Variants in RNF43 observed in about 807,000 individuals in gnomAD.
The protein encoded by RNF43 is E3 ubiquitin-protein ligase RNF43.
RNF43 carries 37 observed loss-of-function variants against 78.4 expected under a neutral mutation model. The observed-to-expected ratio is 0.47, with a 90% CI of 0.36 to 0.62. The LOEUF is 0.62. Among genes scored for constraint, RNF43 ranks in the 20% least tolerant of loss-of-function variants. The pLI is 0.00. For synonymous variants in RNF43, 347 were observed against 395.0 expected (o/e 0.88, Z 1.44); for missense variants, 774 against 1,007.9 (o/e 0.77, Z 3.14).
rs759809905 is a variant in RNF43, at chr17:58,363,319, G to C, written c.538C>G (p.Gln180Glu). 5 of 1,614,104 alleles carry C rather than the reference G, an allele frequency of 3.1e-6. No individual in the cohort carries two copies. Among genetic ancestry groups the C allele is most frequent in the South Asian group, 1.1e-5 (1 of 91,090 alleles). The change falls in exon 5 of 10, where the codon CAA becomes GAA. Residue 180 changes from glutamine (Q) to glutamate (E), a missense_variant. By Grantham distance (29) the Gln-to-Glu change is conservative. Coordinates refer to ENST00000407977, the MANE Select transcript of RNF43 (RefSeq NM_017763.6). ...AGCTCAATCCTCACATGGGCCTTTT[G>C]GTTCTTGTACACAAACTCCATCAGC... ...EKLMEFVYKNQKAHVRIELKE... is the reference protein window; with the variant it reads ...EKLMEFVYKNEKAHVRIELKE...
chr17:58,358,544 G>C lies in RNF43; in HGVS notation c.1232C>G (p.Pro411Arg), dbSNP rs1029129424. The change falls in exon 9 of 10, where the codon CCC becomes CGC. Residue 411 changes from proline to arginine, a missense_variant. Physicochemically the swap from Pro to Arg is moderately radical, Grantham distance 103. Coordinates refer to ENST00000407977, the MANE Select transcript of RNF43 (RefSeq NM_017763.6). The surrounding 1 kb of genome is among the most constrained non-coding windows in gnomAD (Gnocchi z 6.2). ...GCTCAGTCCCCAGCCTTGTGCATAG[G>C]GGTGCTGGGCTCCTGCCAGGCGCTG... ...EQQRLAGAQH[P>R]YAQGWGLSHL... The C allele has an allele frequency of 1.9e-6, 3 of 1,612,410 alleles. No homozygotes were observed. The highest frequency in any genetic ancestry group is 2.5e-6 in the Non-Finnish European group (3 of 1,179,178).
At chr17:58,374,328 A>C (rs1376622079) in intron 2 of RNF43, among the ~76,000 whole-genome samples, 1 of 152,054 alleles carries the variant, frequency 6.6e-6, no homozygotes, top group Non-Finnish European at 1.5e-5. Flanking sequence ...AAGGACCCAA[A>C]TACAAGTCCC....
chr17:58,355,681 C>A (rs1051544127), intron 9 of RNF43, among the ~76,000 whole-genome samples: 1 of 152,150 alleles, frequency 6.6e-6, no homozygotes, highest in African/African-American at 2.4e-5. Context: ...TTTTTCCTCT[C>A]TGTGGACAAA....
rs750959307 is a variant in RNF43, at chr17:58,358,707, A to G, written c.1069T>C (p.Tyr357His). The G allele has an allele frequency of 6.5e-7, 1 of 1,546,836 alleles. No homozygotes were observed. The highest frequency in any genetic ancestry group is 2.0e-5 in the Admixed American group (1 of 50,550). Residue 357 changes from tyrosine to histidine, a missense_variant, in exon 9 of 10, where the codon TAC (tyrosine) becomes CAC (histidine). By Grantham distance (83) the Tyr-to-His change is moderately conservative (BLOSUM62 2). Coordinates refer to ENST00000407977, the MANE Select transcript of RNF43 (RefSeq NM_017763.6). This position sits in a 1 kb window ranked among gnomAD's most constrained non-coding sequence, Gnocchi z 6.2. ...GHAHYHLPAA[Y>H]LLGPSRSAVA... ...GCACTCCGGGAAGGGCCCAACAGGTAGGCAGCAGGGAGGTGGTAGTGGGCA... is the reference window on the plus strand; with the variant it reads ...GCACTCCGGGAAGGGCCCAACAGGTGGGCAGCAGGGAGGTGGTAGTGGGCA...
Position 58,390,398 on chromosome 17 carries a change from T to C in RNF43, c.253-19365A>G, listed in dbSNP as rs1307949638. Among the ~76,000 whole-genome samples the C allele has an allele frequency of 3.3e-5, 5 of 152,214 alleles. No homozygotes were observed. The South Asian group carries it at 6.2e-4, about 19-fold the overall frequency. The stretch of plus-strand genomic sequence containing the variant: ...AGAAAGTGAGGCAAATGTTAAGATA[T>C]TGTTTTCTAGAGCAAAAGAGTCTAG... On this transcript the variant is annotated intron_variant, in intron 2 of 9. Transcript: ENST00000407977.
chr17:58,390,633 A>C (rs1386511705), intron 2 of RNF43, among the ~76,000 whole-genome samples: 1 of 152,216 alleles, frequency 6.6e-6, no homozygotes, highest in East Asian at 1.9e-4. Context: ...AGATGCTTAC[A>C]ATCAGTTGTA....
rs2143436887 is a variant in RNF43 at position 58,360,039 on chromosome 17, T to C, written c.952+110A>G. On this transcript the variant is annotated intron_variant, in intron 8 of 9. Coordinates refer to ENST00000407977, the MANE Select transcript of RNF43 (RefSeq NM_017763.6). This position sits in a 1 kb window ranked among gnomAD's most constrained non-coding sequence, Gnocchi z 4.3. ...CAGTGTACAGCCCATACAACTATGG[T>C]GGCAGTTCTGCTTTCTCCCCAGCTT... 1 of 776,614 alleles carries C rather than the reference T, an allele frequency of 1.3e-6. No homozygotes were observed. The highest frequency in any genetic ancestry group is 2.3e-6 in the Non-Finnish European group (1 of 438,596). The allele number at this position is 776,614 out of a possible 1,614,324, so 48.1% of individuals were successfully genotyped here.
intron 2 of RNF43, among the ~76,000 whole-genome samples, chr17:58,410,322 T>G (rs1175334954): frequency 6.6e-6 from 1 of 152,182 alleles, no homozygotes; most frequent in East Asian, 1.9e-4. Flanking sequence ...AATAGAAGAC[T>G]CTAAAAGCCA....
chr17:58,363,964 A>G (rs911922572), intron 3 of RNF43, among the ~76,000 whole-genome samples: 1 of 152,168 alleles, frequency 6.6e-6, no homozygotes, highest in Non-Finnish European at 1.5e-5. Context: ...AAGAGGTATG[A>G]GCACGAAGAG....
Position 58,367,909 on chromosome 17 carries a change from G to A in RNF43, c.375+3002C>T, listed in dbSNP as rs530445892. On this transcript the variant is annotated intron_variant, in intron 3 of 9. Transcript: ENST00000407977. ...CATTTATTGAGTGGTTACCATGTAC[G>A]TGGCATGGGGCTAAAAACTTCCATC... Among the ~76,000 whole-genome samples, 8 of 152,186 alleles carry A rather than the reference G, an allele frequency of 5.3e-5. No individual in the cohort carries two copies. The South Asian group carries it at 1.0e-3, about 20-fold the overall frequency.
intron 2 of RNF43, among the ~76,000 whole-genome samples, chr17:58,380,839 T>C: frequency 6.6e-6 from 1 of 152,212 alleles, no homozygotes; most frequent in East Asian, 1.9e-4. Context: ...TCAGAGGCTG[T>C]AGGGATTTCA....
At chr17:58,379,142 C>T (rs1204113976) in intron 2 of RNF43, among the ~76,000 whole-genome samples, 1 of 152,130 alleles carries the variant, frequency 6.6e-6, no homozygotes, top group Non-Finnish European at 1.5e-5. Context: ...CGGGTATGCA[C>T]GCTGGGGAGG....
At position 58,415,523 on chromosome 17, in the gene RNF43, C is replaced by T. The variant is rs1449518106; in HGVS notation, c.55G>A (p.Ala19Thr). The change falls in exon 2 of 10, where the codon GCT (alanine) becomes ACT (threonine). Residue 19 changes from alanine (A) to threonine (T), a missense_variant. Transcript: ENST00000407977. Reference sequence around the variant, plus strand: ...CGTCCAAAGCCTGCCTGCAGGGTAGCCATCAGCAGCCAGGGCCAGAGGGCA... The same window carrying T: ...CGTCCAAAGCCTGCCTGCAGGGTAGTCATCAGCAGCCAGGGCCAGAGGGCA... Reference protein sequence around the residue: ...LAALWPWLLMATLQAGFGRTG... With the variant: ...LAALWPWLLMTTLQAGFGRTG... 3 of 1,611,946 alleles carry T rather than the reference C, an allele frequency of 1.9e-6. No individual in the cohort carries two copies. Among genetic ancestry groups the T allele is most frequent in the Admixed American group, 3.3e-5 (2 of 60,036 alleles).
At chr17:58,391,125 G>C (rs546263907) in intron 2 of RNF43, among the ~76,000 whole-genome samples, 25 of 152,328 alleles carry the variant, frequency 1.6e-4, no homozygotes, top group Non-Finnish European at 3.1e-4. Context: ...CTGAGTAATT[G>C]TGAAGCCAAC....
In RNF43 at chr17:58,358,141, G is replaced by A. The variant is rs2143405342; in HGVS notation, c.1635C>T (p.Ser545=). 1.2e-6 allele frequency: 2 copies of A among 1,613,032 alleles called. No homozygotes were observed. The highest frequency in any genetic ancestry group is 1.3e-5 in the African/African-American group (1 of 74,964). The change falls in exon 9 of 10, where the codon TCC becomes TCT. Residue 545 remains serine (S), a synonymous_variant. Transcript: ENST00000407977. This position sits in a 1 kb window ranked among gnomAD's most constrained non-coding sequence, Gnocchi z 6.2. ...GGTGGCGGTGGTAGTGGACATGGCT[G>A]GAAACCTGGGTTTCCCCTGTGGGCA... is the stretch of plus-strand genomic sequence containing the variant. The part of the protein sequence containing the change: ...SVVPTGETQV[S]SHVHYHRHRH...
intron 3 of RNF43, among the ~76,000 whole-genome samples, chr17:58,369,461 C>T (rs993442289): frequency 2.6e-5 from 4 of 152,198 alleles, no homozygotes; most frequent in South Asian, 2.1e-4. Context: ...CCCAGGAGAA[C>T]GAGGATATCC....
chr17:58,407,069 A>ATTTTTTT (rs35270032), intron 2 of RNF43, among the ~76,000 whole-genome samples: 4 of 74,182 alleles, frequency 5.4e-5, no homozygotes, highest in Non-Finnish European at 7.2e-5. Context: ...AGAGACCAGA[A>ATTTTTTT]TTTTTTTTTT....
intron 2 of RNF43, among the ~76,000 whole-genome samples, chr17:58,407,846 G>A (rs887459603): frequency 5.3e-5 from 8 of 152,154 alleles, no homozygotes; most frequent in Non-Finnish European, 7.4e-5. Flanking sequence ...ATAAAGCCAC[G>A]ACGGTTCTAC....
intron 2 of RNF43, among the ~76,000 whole-genome samples, chr17:58,414,321 C>T: frequency 6.6e-6 from 1 of 152,178 alleles, no homozygotes; most frequent in Non-Finnish European, 1.5e-5. Flanking sequence ...TGGTTCTGTT[C>T]ATAGTCTGTT....
Sources: gnomAD v4.1 joint callset for allele counts (sites outside exome capture counted in the v4.1 genomes callset) on GRCh38, gnomAD v4.1.1 for gene constraint, Gnocchi (gnomAD v3.1) non-coding constraint, MANE v1.5 for transcripts, NCBI Gene and HGNC (gene_info 2026-07-23, HGNC 2026-07-21) for gene names.